Variants in MACROD1 observed in about 807,000 individuals in gnomAD.
MACROD1 encodes mono-ADP ribosylhydrolase 1.
In MACROD1, 31 loss-of-function variants were observed where a neutral mutation model predicts 41.4. The ratio of observed to expected loss-of-function variants is 0.75; its 90% CI spans 0.56 to 1.01. The LOEUF (loss-of-function observed/expected upper bound fraction) is 1.01. Among genes scored for constraint, MACROD1 ranks in the 50% least tolerant of loss-of-function variants. The pLI is 0.00. For synonymous variants in MACROD1, 252 were observed against 203.4 expected, an observed-to-expected ratio of 1.24 and a Z score of -2.03; for missense variants, 473 against 460.0, an observed-to-expected ratio of 1.03 and a Z score of -0.26.
At position 64,055,455 on chromosome 11, in the gene MACROD1, C is replaced by T. The variant is rs550086260; in HGVS notation, c.518-40174G>A. On this transcript the variant is annotated intron_variant, in intron 3 of 10. Transcript: ENST00000255681. ...GGAGCTAGTGGCAGGGCAGGTAGCTCCTGGGGCCCAGGGTCTGCTTGTCCC... is the reference window on the plus strand; with the variant it reads ...GGAGCTAGTGGCAGGGCAGGTAGCTTCTGGGGCCCAGGGTCTGCTTGTCCC... Among the ~76,000 whole-genome samples the T allele has an allele frequency of 6.6e-5, 10 of 152,134 alleles. No homozygotes were observed. The East Asian group carries it at 1.9e-3, about 29-fold the overall frequency.
intron 3 of MACROD1, among the ~76,000 whole-genome samples, chr11:64,034,661 A>G (rs1339359451): frequency 6.6e-6 from 1 of 151,392 alleles, no homozygotes; most frequent in Non-Finnish European, 1.5e-5. Flanking sequence ...TGTAGGGGGG[A>G]CCCTCCCCAA....
chr11:64,131,707 C>G (rs1322049149), intron 3 of MACROD1, among the ~76,000 whole-genome samples: 1 of 152,186 alleles, frequency 6.6e-6, no homozygotes, highest in East Asian at 1.9e-4. Context: ...TGACTACCAA[C>G]CAAGCCTTTA....
intron 3 of MACROD1, among the ~76,000 whole-genome samples, chr11:64,079,552 G>A (rs878979027): frequency 4.6e-5 from 7 of 152,176 alleles, no homozygotes; most frequent in East Asian, 1.9e-4. Flanking sequence ...GAGAGAGACC[G>A]CAGCCGCCAC....
intron 4 of MACROD1, among the ~76,000 whole-genome samples, chr11:64,014,956 C>T (rs1241076300): frequency 2.4e-4 from 37 of 152,220 alleles, no homozygotes; most frequent in Admixed American, 2.2e-3. Context: ...TGCCCAAGGT[C>T]ACAGGGAGAT....
At chr11:64,063,202 C>T (rs1021088372) in intron 3 of MACROD1, among the ~76,000 whole-genome samples, 25 of 152,066 alleles carry the variant, frequency 1.6e-4, no homozygotes, top group African/African-American at 6.0e-4. Context: ...GCTTAGGGTA[C>T]ACAGAGAGGT....
chr11:64,000,901 G>C (rs1388812805), intron 4 of MACROD1, among the ~76,000 whole-genome samples: 1 of 152,222 alleles, frequency 6.6e-6, no homozygotes, highest in Non-Finnish European at 1.5e-5. Context: ...CCTTGTTACA[G>C]GGTGATCAGA....
intron 3 of MACROD1, chr11:64,060,390 C>T (rs983096506): frequency 6.6e-6 from 1 of 152,248 alleles, no homozygotes; most frequent in Non-Finnish European, 1.5e-5. Context: ...CAGAAGGCCT[C>T]GGATTGGTTG....
At chr11:64,009,095 A>G (rs931061437) in intron 4 of MACROD1, 3 of 152,080 alleles carry the variant, frequency 2.0e-5, no homozygotes, top group Non-Finnish European at 2.9e-5. Flanking sequence ...AGAGCGCACA[A>G]ATCTCCCCGA....
intron 3 of MACROD1, among the ~76,000 whole-genome samples, chr11:64,092,850 CCAAAGA>C (rs1340897334): frequency 6.6e-5 from 10 of 152,348 alleles, no homozygotes; most frequent in East Asian, 5.8e-4. Context: ...ACACGTGTCA[CCAAAGA>C]CAAAGTCAAT....
At chr11:64,014,779 G>T (rs942618372) in intron 4 of MACROD1, among the ~76,000 whole-genome samples, 37 of 152,240 alleles carry the variant, frequency 2.4e-4, no homozygotes, top group African/African-American at 8.0e-4. Context: ...CTCCGTGGTG[G>T]TCGTTAACAA....
chr11:64,011,655 C>T (rs1007232734), intron 4 of MACROD1, among the ~76,000 whole-genome samples: 4 of 151,892 alleles, frequency 2.6e-5, no homozygotes, highest in South Asian at 2.1e-4. Context: ...ATCAGGGCTG[C>T]GGGACGAAGA....
intron 3 of MACROD1, among the ~76,000 whole-genome samples, chr11:64,055,844 GCC>G (rs901466944): frequency 2.0e-5 from 3 of 152,194 alleles, no homozygotes; most frequent in African/African-American, 7.2e-5. Flanking sequence ...TTAGCACCAG[GCC>G]AGGCCGGTGA....
At chr11:64,073,826 G>T (rs960162536) in intron 3 of MACROD1, among the ~76,000 whole-genome samples, 11 of 152,204 alleles carry the variant, frequency 7.2e-5, no homozygotes, top group Non-Finnish European at 1.6e-4. Flanking sequence ...GGGGAGGGGG[G>T]CCCACAGCCC....
chr11:64,052,022 T>A (rs1207974846), intron 3 of MACROD1, among the ~76,000 whole-genome samples: 1 of 151,060 alleles, frequency 6.6e-6, no homozygotes, highest in Non-Finnish European at 1.5e-5. Context: ...GGCTTGCTAA[T>A]GAACTTGGCT....
rs145828331 is a variant in MACROD1, at chr11:64,117,053, G to A, written c.517+34186C>T. On this transcript the variant is annotated intron_variant, in intron 3 of 10. Transcript: ENST00000255681. ...CGCTGGTGCGCAATTCGCTGGCCGCGCCACCCCTCAACCTGCCCAGCGCCC... is the reference window on the plus strand; with the variant it reads ...CGCTGGTGCGCAATTCGCTGGCCGCACCACCCCTCAACCTGCCCAGCGCCC... 583 of 1,604,506 alleles carry A rather than the reference G, an allele frequency of 3.6e-4. 3 individuals are homozygous for A. In the African/African-American group the frequency reaches 7.2e-3, roughly 20 times the overall value.
Position 64,165,945 on chromosome 11 carries a change from G to A in MACROD1, c.50C>T (p.Ala17Val), listed in dbSNP as rs1945837962. Residue 17 changes from alanine (A) to valine (V), a missense_variant, in exon 1 of 11, where the codon GCG becomes GTG. Coordinates refer to ENST00000255681, the MANE Select transcript of MACROD1 (RefSeq NM_014067.4). ...GCGCGGGGGGACGAGCAGCTGCCCC[G>A]CCGCGCGCAGCTGTGCCAGGCGGCC... ...LSGRLAQLRAAGQLLVPPRPR... is the reference protein window; with the variant it reads ...LSGRLAQLRAVGQLLVPPRPR... 7.6e-7 allele frequency: 1 copy of A among 1,316,464 alleles called. No individual in the cohort carries two copies. The highest frequency in any genetic ancestry group is 9.6e-7 in the Non-Finnish European group (1 of 1,039,952). 81.5% of individuals were successfully genotyped at this position (1,316,464 alleles called of 1,614,324 possible).
At chr11:64,015,060 A>T (rs1943061659) in intron 4 of MACROD1, among the ~76,000 whole-genome samples, 192 bp downstream of exon 4, 1 of 152,154 alleles carries the variant, frequency 6.6e-6, no homozygotes, top group African/African-American at 2.4e-5. Flanking sequence ...GAGCTGGCCC[A>T]GGTTGCCTGG....
At chr11:63,998,917 G>C in intron 9 of MACROD1, 38 bp downstream of exon 9, 1 of 1,548,030 alleles carries the variant, frequency 6.5e-7, no homozygotes, top group Non-Finnish European at 8.7e-7. Context: ...GGGTGGACCG[G>C]GGCAGGGGCG....
At chr11:64,069,509 G>A (rs960905115) in intron 3 of MACROD1, among the ~76,000 whole-genome samples, 14 of 152,222 alleles carry the variant, frequency 9.2e-5, no homozygotes, top group Admixed American at 8.5e-4. Flanking sequence ...GTAGGGGAAG[G>A]GCAAGCACAG....
Sources: gnomAD v4.1 joint callset for allele counts (sites outside exome capture counted in the v4.1 genomes callset) on GRCh38, gnomAD v4.1.1 for gene constraint, MANE v1.5 for transcripts, NCBI Gene and HGNC (gene_info 2026-07-23, HGNC 2026-07-21) for gene names.